The following SLC6A2 variants were observed in gnomAD, a reference collection of about 807,000 sequenced individuals.
SLC6A2 encodes the protein solute carrier family 6 member 2, also known as sodium-dependent noradrenaline transporter.
In SLC6A2, 26 loss-of-function variants were observed where a neutral mutation model predicts 71.7. The ratio of observed to expected loss-of-function variants is 0.36; its 90% confidence interval spans 0.27 to 0.50. SLC6A2 has a LOEUF of 0.50. Among genes scored for constraint, SLC6A2 ranks in the 20% least tolerant of loss-of-function variants. SLC6A2 has a pLI of 0.96. For missense variants in SLC6A2, 581 were observed against 803.9 expected, an observed-to-expected ratio of 0.72 and a Z score of 3.35; for synonymous variants, 363 against 337.9, an observed-to-expected ratio of 1.07 and a Z score of -0.82.
Position 55,656,974 on chromosome 16 carries a change from C to T in SLC6A2, c.274+6C>T, listed in dbSNP as rs1567427369. On this transcript the variant is annotated splice_donor_region_variant and intron_variant, in intron 2 of 14. Coordinates refer to ENST00000568943, the MANE Select transcript of SLC6A2 (RefSeq NM_001172501.3). This position sits in a 1 kb window ranked among gnomAD's most constrained non-coding sequence, Gnocchi z 4.5. ...CTGCTACAAGAACGGCGGCGGTGAGCGTGGGGTCGGGCTGGGAATTTGAAT... is the reference window on the plus strand; with the variant it reads ...CTGCTACAAGAACGGCGGCGGTGAGTGTGGGGTCGGGCTGGGAATTTGAAT... 1.9e-6 allele frequency: 3 copies of T among 1,612,586 alleles called. No individual in the cohort carries two copies. The highest frequency in any genetic ancestry group is 2.2e-5 in the East Asian group (1 of 44,824).
Position 55,685,171 on chromosome 16 carries a change from A to G in SLC6A2, c.673A>G (p.Ser225Gly), listed in dbSNP as rs1965410408. The G allele has an allele frequency of 1.2e-6, 2 of 1,614,022 alleles. No individual in the cohort carries two copies. Among genetic ancestry groups the G allele is most frequent in the African/African-American group, 2.7e-5 (2 of 74,914 alleles). ...TGGTGTCCTGCACCTTCACGAGAGC[A>G]GCGGGATTCATGACATCGGCCTGCC... ...ERGVLHLHESSGIHDIGLPQW... is the reference protein window; with the variant it reads ...ERGVLHLHESGGIHDIGLPQW... The change falls in exon 5 of 15, where the codon AGC becomes GGC. Residue 225 changes from serine (S) to glycine (G), a missense_variant. Around this residue, in one of 5 missense-constraint regions of SLC6A2, gnomAD observed 87 missense variants for 99.5 expected, o/e 0.87. Coordinates refer to ENST00000568943, the MANE Select transcript of SLC6A2 (RefSeq NM_001172501.3).
intron 4 of SLC6A2, among the ~76,000 whole-genome samples, chr16:55,682,842 T>C (rs1285234790): frequency 1.3e-5 from 2 of 152,168 alleles, no homozygotes; most frequent in Non-Finnish European, 2.9e-5. Flanking sequence ...GGATCTCGTT[T>C]TGGGGGCCCC....
At chr16:55,688,322 A>T (rs1443698214) in intron 5 of SLC6A2, among the ~76,000 whole-genome samples, 1 of 152,172 alleles carries the variant, frequency 6.6e-6, no homozygotes, top group African/African-American at 2.4e-5. Context: ...GGCTTGCTTT[A>T]GTGACTTGAT....
intron 2 of SLC6A2, among the ~76,000 whole-genome samples, chr16:55,661,288 G>A (rs1278448307): frequency 6.6e-6 from 1 of 152,202 alleles, no homozygotes; most frequent in Admixed American, 6.5e-5. Context: ...GCTGTGCATT[G>A]TAGAGAAATA....
chr16:55,660,041 T>G (rs1329916986), intron 2 of SLC6A2, among the ~76,000 whole-genome samples: 1 of 152,154 alleles, frequency 6.6e-6, no homozygotes, highest in East Asian at 1.9e-4. Context: ...GACAAGTGCT[T>G]TAGACAAATG....
chr16:55,682,263 C>G (rs1191117773), intron 4 of SLC6A2, among the ~76,000 whole-genome samples: 3 of 152,126 alleles, frequency 2.0e-5, no homozygotes, highest in African/African-American at 7.2e-5. Context: ...GCGCAAATGC[C>G]TATAGAATGA....
intron 7 of SLC6A2, among the ~76,000 whole-genome samples, chr16:55,694,547 A>G (rs1225491975): frequency 2.6e-5 from 4 of 152,194 alleles, no homozygotes; most frequent in Non-Finnish European, 4.4e-5. Flanking sequence ...GAAGCAGTCA[A>G]TGCTACCTCC....
At chr16:55,658,293 C>A (rs962959798) in intron 2 of SLC6A2, among the ~76,000 whole-genome samples, 7 of 152,130 alleles carry the variant, frequency 4.6e-5, no homozygotes, top group African/African-American at 1.7e-4. Context: ...GGGCAGATTG[C>A]CTGAGCTCAG....
chr16:55,695,458 A>G (rs953999328), intron 8 of SLC6A2, 56 bp downstream of exon 8: 103 of 1,601,308 alleles, frequency 6.4e-5, no homozygotes, highest in Non-Finnish European at 8.7e-5. Flanking sequence ...TGAGAAGCCC[A>G]CCTTATTCTT....
chr16:55,664,073 C>T (rs13335940), intron 2 of SLC6A2, among the ~76,000 whole-genome samples: 9,194 of 152,174 alleles, frequency 0.06, 354 homozygotes, highest in African/African-American at 0.1. Flanking sequence ...CCATAGAAGG[C>T]CCAAGAGGAC....
At chr16:55,657,104 C>T in intron 2 of SLC6A2, 136 bp downstream of exon 2, 2 of 928,764 alleles carry the variant, frequency 2.2e-6, no homozygotes, top group South Asian at 1.6e-5. Context: ...AAGAACTGGA[C>T]AGGGCTAACG....
At chr16:55,668,315 A>ATGATCTT (rs1233088945) in intron 2 of SLC6A2, among the ~76,000 whole-genome samples, 5 of 152,156 alleles carry the variant, frequency 3.3e-5, no homozygotes, top group African/African-American at 1.2e-4. Flanking sequence ...GGAAATAATA[A>ATGATCTT]TGATCTTTGA....
At chr16:55,670,134 A>G (rs950631071) in intron 3 of SLC6A2, among the ~76,000 whole-genome samples, 3 of 152,236 alleles carry the variant, frequency 2.0e-5, no homozygotes, top group Admixed American at 6.5e-5. Flanking sequence ...GAAATATAAC[A>G]TGAAGCCTAC....
intron 5 of SLC6A2, among the ~76,000 whole-genome samples, chr16:55,691,084 GA>G (rs1965603169): frequency 6.6e-6 from 1 of 151,206 alleles, no homozygotes; most frequent in African/African-American, 2.4e-5. Flanking sequence ...GCTTAGGAAA[GA>G]AAATATGCTT....
intron 11 of SLC6A2, among the ~76,000 whole-genome samples, chr16:55,699,069 T>C (rs1965888781): frequency 6.6e-6 from 1 of 152,180 alleles, no homozygotes; most frequent in African/African-American, 2.4e-5. Flanking sequence ...CCCTTAAATG[T>C]GTTAATTGTT....
intron 2 of SLC6A2, among the ~76,000 whole-genome samples, chr16:55,669,038 C>T (rs1419342475): frequency 6.6e-6 from 1 of 152,170 alleles, no homozygotes; most frequent in African/African-American, 2.4e-5. Flanking sequence ...TGAGATCATG[C>T]TTGGGAAAGC....
In SLC6A2 at chr16:55,703,003, GA is replaced by G. The variant is rs1597021179; in HGVS notation, c.*659del. The G allele has an allele frequency of 2.0e-6, 2 of 986,886 alleles. No individual in the cohort carries two copies. Among genetic ancestry groups the G allele is most frequent in the East Asian group, 2.3e-4 (2 of 8,850 alleles). The allele number at this position is 986,886 out of a possible 1,614,324, so 61.1% of individuals were successfully genotyped here. ...ATCTGAGTTTGATGTGTGTGTTCTG[GA>G]ACATTCCTCCAGCTTTTGGTGGTCA... On this transcript the variant is annotated 3_prime_UTR_variant, in exon 15 of 15. Transcript: ENST00000568943.
In SLC6A2 at chr16:55,665,630, C is replaced by T. The variant is rs187248489; in HGVS notation, c.275-3935C>T. ...TTGACCACACTACCTCCACCTCCCC[C>T]GAGATCCTCAGCAGGTCTTGGCCAC... On this transcript the variant is annotated intron_variant, in intron 2 of 14. Transcript: ENST00000568943. 3.9e-5 allele frequency among the ~76,000 whole-genome samples: 6 copies of T among 152,220 alleles called. No individual in the cohort carries two copies. In the East Asian group the frequency reaches 1.2e-3, roughly 30 times the overall value.
Position 55,702,440 on chromosome 16 carries a change from C to A in SLC6A2, c.*94C>A. ...CCTCGGACACCATCTTGGGATTCCT[C>A]CCCTGGAAGTTGTCCTTTCTGATCC... is the stretch of plus-strand genomic sequence containing the variant. On this transcript the variant is annotated 3_prime_UTR_variant, in exon 15 of 15. Coordinates refer to ENST00000568943, the MANE Select transcript of SLC6A2 (RefSeq NM_001172501.3). 1 of 1,609,846 alleles carries A rather than the reference C, an allele frequency of 6.2e-7. No individual in the cohort carries two copies. Among genetic ancestry groups the A allele is most frequent in the East Asian group, 2.2e-5 (1 of 44,604 alleles).
Sources: allele counts gnomAD v4.1 joint callset (sites outside exome capture counted in the v4.1 genomes callset), GRCh38; gene constraint gnomAD v4.1.1; regional missense constraint gnomAD v4.1.1; non-coding constraint Gnocchi (gnomAD v3.1); transcripts MANE v1.5; gene names NCBI Gene and HGNC (gene_info 2026-07-23, HGNC 2026-07-21).